Variants in ARHGEF28 observed in about 807,000 individuals in gnomAD.
ARHGEF28 encodes the protein 190 kDa guanine nucleotide exchange factor.
A neutral mutation model predicts 206.6 loss-of-function variants in ARHGEF28; 152 were observed. The ratio of observed to expected loss-of-function variants is 0.74; its 90% CI spans 0.64 to 0.84. The LOEUF (loss-of-function observed/expected upper bound fraction) is 0.84. Ranked by LOEUF, ARHGEF28 falls within the 40% of genes least tolerant of loss-of-function variation. The pLI is 0.00. For missense variants in ARHGEF28, 2,028 were observed against 2,073.2 expected, an observed-to-expected ratio of 0.98 and a Z score of 0.42; for synonymous variants, 763 against 776.4, an observed-to-expected ratio of 0.98 and a Z score of 0.29.
At chr5:73,657,371 C>T (rs964205578) in intron 1 of ARHGEF28, among the ~76,000 whole-genome samples, 13 of 152,136 alleles carry the variant, frequency 8.5e-5, no homozygotes, top group African/African-American at 2.4e-4. Context: ...ATTTCATACA[C>T]GATACTTTTA....
chr5:73,803,916 G>A lies in ARHGEF28; in HGVS notation c.1024+8525G>A, dbSNP rs181927700. ...AACCTGGGCAACATAGTGAGACCCT[G>A]TCTCTACAAAAATTTTAAAAAATTA... On this transcript the variant is annotated intron_variant, in intron 9 of 35. Transcript: ENST00000513042. 2.6e-5 allele frequency among the ~76,000 whole-genome samples: 4 copies of A among 151,942 alleles called. No individual in the cohort carries two copies. In the East Asian group the frequency reaches 7.8e-4, roughly 30 times the overall value.
intron 7 of ARHGEF28, among the ~76,000 whole-genome samples, chr5:73,781,015 G>A (rs1753815283): frequency 6.6e-6 from 1 of 151,836 alleles, no homozygotes; most frequent in Non-Finnish European, 1.5e-5. Context: ...TCTTCAGGAT[G>A]CTCTCTTGAC....
intron 34 of ARHGEF28, among the ~76,000 whole-genome samples, chr5:73,910,694 T>G (rs901184423): frequency 3.3e-5 from 5 of 152,206 alleles, no homozygotes; most frequent in East Asian, 1.9e-4. Flanking sequence ...ATGCTGAGCT[T>G]CTTCTCTCTT....
chr5:73,843,137 A>G (rs1010099909), intron 11 of ARHGEF28, among the ~76,000 whole-genome samples: 2 of 152,214 alleles, frequency 1.3e-5, no homozygotes, highest in African/African-American at 4.8e-5. Flanking sequence ...ATACTTGCAG[A>G]GTATCGAAAT....
intron 1 of ARHGEF28, among the ~76,000 whole-genome samples, chr5:73,663,117 G>T (rs1467815763): frequency 6.6e-6 from 1 of 152,074 alleles, no homozygotes; most frequent in Non-Finnish European, 1.5e-5. Context: ...CACCACACCT[G>T]GCTAATTTTT....
intron 13 of ARHGEF28, among the ~76,000 whole-genome samples, chr5:73,851,398 T>A (rs2112598597): frequency 6.7e-6 from 1 of 148,418 alleles, no homozygotes; most frequent in African/African-American, 2.5e-5. Context: ...CTGTAATTTC[T>A]CATGCGTCTT....
chr5:73,847,873 C>A (rs554520385), intron 12 of ARHGEF28, among the ~76,000 whole-genome samples: 2 of 152,152 alleles, frequency 1.3e-5, no homozygotes, highest in African/African-American at 2.4e-5. Flanking sequence ...CGTCTAGGCC[C>A]GGTAGGTGCT....
intron 26 of ARHGEF28, among the ~76,000 whole-genome samples, chr5:73,890,596 C>T (rs185121135): frequency 6.6e-6 from 1 of 152,156 alleles, no homozygotes; most frequent in African/African-American, 2.4e-5. Context: ...TACTCTCATG[C>T]TACTCTGAGA....
chr5:73,657,910 T>C (rs1745318827), intron 1 of ARHGEF28, among the ~76,000 whole-genome samples: 1 of 152,204 alleles, frequency 6.6e-6, no homozygotes, highest in Non-Finnish European at 1.5e-5. Context: ...AACCCAATCT[T>C]CTGGGCTGCT....
Position 73,756,295 on chromosome 5 carries a change from T to C in ARHGEF28, c.475+3093T>C, listed in dbSNP as rs141597367. Among the ~76,000 whole-genome samples the C allele has an allele frequency of 2.0e-4, 30 of 152,352 alleles. No individual in the cohort carries two copies. In the East Asian group the frequency reaches 5.4e-3, roughly 27 times the overall value. ...ATAGAGTGTATTGTATGTACTTATA[T>C]GTGCATAGGTAGAAAGCAGATACAA... On this transcript the variant is annotated intron_variant, in intron 4 of 35. Coordinates refer to ENST00000513042, the MANE Select transcript of ARHGEF28 (RefSeq NM_001177693.2).
At chr5:73,804,109 A>G (rs1313757298) in intron 9 of ARHGEF28, among the ~76,000 whole-genome samples, 1 of 146,684 alleles carries the variant, frequency 6.8e-6, no homozygotes, top group African/African-American at 2.5e-5. Flanking sequence ...AAAAAAAAAG[A>G]AAGAGTCAAG....
Position 73,627,771 on chromosome 5 carries a change from T to C in ARHGEF28, c.-12+1449T>C, listed in dbSNP as rs377659485. Among the ~76,000 whole-genome samples the C allele has an allele frequency of 1.2e-4, 18 of 152,356 alleles. No individual in the cohort carries two copies. The South Asian group carries it at 3.7e-3, about 32-fold the overall frequency. On this transcript the variant is annotated intron_variant, in intron 1 of 35. Transcript: ENST00000513042. ...GGAATTTGGCTAGCATCAGATCTTA[T>C]AGCTAATGGTTAGGGAAACTGAGGC...
At chr5:73,686,535 T>C (rs1265815534) in intron 2 of ARHGEF28, among the ~76,000 whole-genome samples, 4 of 151,342 alleles carry the variant, frequency 2.6e-5, no homozygotes, top group East Asian at 1.9e-4. Context: ...TTTTTTTTTT[T>C]CGAGACGGAG....
chr5:73,628,542 G>T (rs1743150611), intron 1 of ARHGEF28, among the ~76,000 whole-genome samples: 2 of 152,194 alleles, frequency 1.3e-5, no homozygotes, highest in South Asian at 4.1e-4. Context: ...TGTAGGTTTT[G>T]TGTAATTGCA....
intron 4 of ARHGEF28, among the ~76,000 whole-genome samples, chr5:73,755,228 A>G (rs6890839): frequency 0.13 from 20,003 of 151,910 alleles, 3,160 homozygotes; most frequent in African/African-American, 0.38. Context: ...TATTATATAC[A>G]TATAATGTTT....
chr5:73,752,754 G>A (rs775572763), intron 3 of ARHGEF28, among the ~76,000 whole-genome samples, 155 bp from the exon 4 acceptor site: 4 of 152,174 alleles, frequency 2.6e-5, no homozygotes, highest in Non-Finnish European at 4.4e-5. Flanking sequence ...CACATGCTTG[G>A]CAGTGTGTAA....
intron 7 of ARHGEF28, among the ~76,000 whole-genome samples, chr5:73,793,235 C>A (rs1247808791): frequency 2.6e-5 from 4 of 152,168 alleles, no homozygotes. Flanking sequence ...AAACACAAGA[C>A]AAGGATTGTT....
Position 73,840,719 on chromosome 5 carries a change from G to C in ARHGEF28, c.1386G>C (p.Trp462Cys). 6.2e-7 allele frequency: 1 copy of C among 1,611,286 alleles called. No homozygotes were observed. Among genetic ancestry groups the C allele is most frequent in the Non-Finnish European group, 8.5e-7 (1 of 1,178,518 alleles). ...CASNLNLSFG[W>C]HGFEKEQSHL... is the part of the protein sequence containing the mutation. ...CCAACTTGAATCTTTCTTTTGGTTG[G>C]CATGGATTTGAAAAGGAACAAAGTC... Residue 462 changes from tryptophan to cysteine, a missense_variant, in exon 11 of 36, where the codon TGG (tryptophan) becomes TGC (cysteine). Coordinates refer to ENST00000513042, the MANE Select transcript of ARHGEF28 (RefSeq NM_001177693.2).
intron 9 of ARHGEF28, among the ~76,000 whole-genome samples, chr5:73,823,447 T>C (rs527369403): frequency 1.4e-4 from 21 of 152,214 alleles, no homozygotes; most frequent in Non-Finnish European, 2.6e-4. Flanking sequence ...TTACAGATAG[T>C]AAAGAGTTGA....
Sources: allele counts gnomAD v4.1 joint callset (sites outside exome capture counted in the v4.1 genomes callset), GRCh38; gene constraint gnomAD v4.1.1; transcripts MANE v1.5; gene names NCBI Gene and HGNC (gene_info 2026-07-23, HGNC 2026-07-21).